Variants in GEMIN2 observed in about 807,000 individuals in gnomAD.
GEMIN2 encodes gem-associated protein 2.
Under a neutral mutation model 45.8 loss-of-function variants are expected in GEMIN2, and 37 were observed. The observed-to-expected ratio is 0.81, with a 90% CI of 0.62 to 1.06. The LOEUF (loss-of-function observed/expected upper bound fraction) is 1.06. GEMIN2 is among the 50% of genes least tolerant of loss of function. The pLI is 0.00. For synonymous variants in GEMIN2, 101 were observed against 111.5 expected, an observed-to-expected ratio of 0.91 and a Z score of 0.60; for missense variants, 335 against 321.8, an observed-to-expected ratio of 1.04 and a Z score of -0.31.
chr14:39,125,694 T>C (rs1410344148), intron 6 of GEMIN2, among the ~76,000 whole-genome samples: 1 of 152,190 alleles, frequency 6.6e-6, no homozygotes, highest in Non-Finnish European at 1.5e-5. Flanking sequence ...TAGATTGCTA[T>C]TTCTAGTTCT....
chr14:39,114,514 G>T lies in GEMIN2; in HGVS notation c.137+39G>T. On this transcript the variant is annotated intron_variant, in intron 1 of 9. Coordinates refer to ENST00000308317, the MANE Select transcript of GEMIN2 (RefSeq NM_003616.3). ...CCCTGGGCGGGTGGGCTGGTCTTCT[G>T]CCCTGCCCCTGGGTACAGCCCTCGG... 5 of 1,515,702 alleles carry T rather than the reference G, an allele frequency of 3.3e-6. No individual in the cohort carries two copies. The South Asian group carries it at 3.4e-5, about 10-fold the overall frequency. The allele number at this position is 1,515,702 out of a possible 1,614,324, so 93.9% of individuals were successfully genotyped here. A position where few individuals can be genotyped will look rare whatever the true frequency, so the allele number is the denominator to read the frequency against.
At chr14:39,134,808 G>C (rs2052762244) in intron 9 of GEMIN2, among the ~76,000 whole-genome samples, 1 of 152,042 alleles carries the variant, frequency 6.6e-6, no homozygotes, top group Admixed American at 6.6e-5. Flanking sequence ...TCCAAACCCA[G>C]GCAACTTTGA....
chr14:39,128,484 TC>T (rs372375254), intron 7 of GEMIN2, 136 bp downstream of exon 7: 76 of 343,762 alleles, frequency 2.2e-4, no homozygotes, highest in African/African-American at 1.1e-3. Context: ...TTTTTTCTTT[TC>T]TTTTTTTTTT....
intron 7 of GEMIN2, among the ~76,000 whole-genome samples, chr14:39,129,934 G>GT (rs34165330): frequency 0.046 from 2,826 of 61,382 alleles, 290 homozygotes; most frequent in African/African-American, 0.11. Flanking sequence ...AGACAAGTTT[G>GT]TTTTTTTTTT....
chr14:39,116,789 T>A (rs990286092), intron 2 of GEMIN2, among the ~76,000 whole-genome samples: 7 of 152,128 alleles, frequency 4.6e-5, no homozygotes, highest in Admixed American at 3.3e-4. Context: ...CTCGCTTTGT[T>A]GCACAGGCCA....
At chr14:39,131,908 C>G in intron 7 of GEMIN2, 50 bp from the exon 8 acceptor site, 2 of 859,486 alleles carry the variant, frequency 2.3e-6, no homozygotes, top group South Asian at 2.8e-5. Context: ...AAAAAATAAA[C>G]TTCTGGTTCA....
At chr14:39,126,689 C>A (rs1201404458) in intron 6 of GEMIN2, among the ~76,000 whole-genome samples, 1 of 152,182 alleles carries the variant, frequency 6.6e-6, no homozygotes, top group Admixed American at 6.5e-5. Flanking sequence ...GATTTTTCTC[C>A]ACCTAAATTT....
chr14:39,125,557 GGC>G (rs2052629166), intron 6 of GEMIN2, among the ~76,000 whole-genome samples: 1 of 151,814 alleles, frequency 6.6e-6, no homozygotes, highest in Non-Finnish European at 1.5e-5. Flanking sequence ...CACCCACCTT[GGC>G]CTCCCAAAGT....
chr14:39,136,424 G>GTTT lies in GEMIN2; in HGVS notation c.771-8_771-6dup. The GTTT allele has an allele frequency of 3.3e-6, 4 of 1,212,146 alleles. No individual in the cohort carries two copies. Among genetic ancestry groups the GTTT allele is most frequent in the South Asian group, 1.4e-5 (1 of 74,064 alleles). The allele number at this position is 1,212,146 out of a possible 1,614,324, so 75.1% of individuals were successfully genotyped here. Reference sequence around the variant, plus strand: ...TAATATCTTTATACATAAATTTTTTGTTTTTTTTTTACTAGGTATTTTGAC... The same window carrying GTTT: ...TAATATCTTTATACATAAATTTTTTGTTTTTTTTTTTTTACTAGGTATTTTGAC... On this transcript the variant is annotated splice_polypyrimidine_tract_variant and intron_variant, in intron 9 of 9. Transcript: ENST00000308317.
At chr14:39,126,917 C>A (rs1449731816) in intron 6 of GEMIN2, among the ~76,000 whole-genome samples, 2 of 151,804 alleles carry the variant, frequency 1.3e-5, no homozygotes, top group African/African-American at 4.8e-5. Flanking sequence ...AGGCGCACAC[C>A]ATCACACCCA....
At chr14:39,116,051 T>C (rs911402145) in intron 2 of GEMIN2, among the ~76,000 whole-genome samples, 3 of 150,616 alleles carry the variant, frequency 2.0e-5, no homozygotes, top group Non-Finnish European at 4.4e-5. Flanking sequence ...TTTTCCCCCT[T>C]TTTTTTTTGC....
chr14:39,118,372 G>A (rs1188285103), intron 3 of GEMIN2, among the ~76,000 whole-genome samples, 168 bp from the exon 4 acceptor site: 3 of 152,162 alleles, frequency 2.0e-5, no homozygotes, highest in African/African-American at 7.2e-5. Flanking sequence ...TGGTGCACTT[G>A]TCACCCAAGT....
At chr14:39,120,038 C>G (rs2052555875) in intron 4 of GEMIN2, among the ~76,000 whole-genome samples, 3 of 152,082 alleles carry the variant, frequency 2.0e-5, no homozygotes, top group South Asian at 4.1e-4. Flanking sequence ...TAGCGGAAGG[C>G]CTTTTGGGTG....
chr14:39,129,934 G>GTTTTTTTTT (rs34165330), intron 7 of GEMIN2, among the ~76,000 whole-genome samples: 12 of 61,432 alleles, frequency 2.0e-4, no homozygotes, highest in East Asian at 1.1e-3. Flanking sequence ...AGACAAGTTT[G>GTTTTTTTTT]TTTTTTTTTT....
Position 39,118,084 on chromosome 14 carries a change from G to A in GEMIN2, c.308G>A (p.Arg103Gln), listed in dbSNP as rs993988805. The part of the protein sequence containing the change: ...QQQVAQFSTV[R>Q]QNVNKHRSHW... The stretch of plus-strand genomic sequence containing the variant: ...CAAGTGGCACAGTTTTCAACTGTTC[G>A]ACAGGTAAGTGTCATATTTAATCTA... Residue 103 changes from arginine to glutamine, a missense_variant, in exon 3 of 10, where the codon CGA (arginine) becomes CAA (glutamine). Transcript: ENST00000308317. 4.5e-6 allele frequency: 7 copies of A among 1,548,622 alleles called. No individual in the cohort carries two copies. Among genetic ancestry groups the A allele is most frequent in the South Asian group, 1.1e-5 (1 of 88,846 alleles).
intron 8 of GEMIN2, 60 bp from the exon 9 acceptor site, chr14:39,133,601 A>G: frequency 1.1e-6 from 1 of 915,234 alleles, no homozygotes; most frequent in Non-Finnish European, 1.6e-6. Context: ...CTTAATAGAA[A>G]ATTTATTTCA....
At position 39,123,867 on chromosome 14, in the gene GEMIN2, C is replaced by G. The variant is rs1240375503; in HGVS notation, c.487-1125C>G. Among the ~76,000 whole-genome samples the G allele has an allele frequency of 1.3e-4, 19 of 149,880 alleles. No individual in the cohort carries two copies. In the East Asian group the frequency reaches 3.7e-3, roughly 29 times the overall value. The stretch of plus-strand genomic sequence containing the variant: ...TTCAACATACCAGGGGCAGCAGGCA[C>G]CCACCACCACACCCAGCTAATTTTT... On this transcript the variant is annotated intron_variant, in intron 5 of 9. Transcript: ENST00000308317.
chr14:39,118,207 C>A, intron 3 of GEMIN2, 119 bp downstream of exon 3: 1 of 500,768 alleles, frequency 2.0e-6, no homozygotes, highest in Non-Finnish European at 3.5e-6. Context: ...AATTAATTAC[C>A]AAATTATTTT....
At chr14:39,114,603 A>T (rs1594506352) in intron 1 of GEMIN2, 128 bp downstream of exon 1, 2 of 719,496 alleles carry the variant, frequency 2.8e-6, no homozygotes, top group East Asian at 5.4e-5. Flanking sequence ...ATTACATCCT[A>T]ACGTGGGCGA....
Sources: gnomAD v4.1 joint callset for allele counts (sites outside exome capture counted in the v4.1 genomes callset) on GRCh38, gnomAD v4.1.1 for gene constraint, MANE v1.5 for transcripts, NCBI Gene and HGNC (gene_info 2026-07-23, HGNC 2026-07-21) for gene names.